SV2C: variants seen among roughly 807,000 people sequenced by gnomAD.
SV2C encodes the protein synaptic vesicle glycoprotein 2C, also known as solute carrier family 22 member B3.
In SV2C, 49 loss-of-function variants were observed where a neutral mutation model predicts 79.7. The ratio of observed to expected loss-of-function variants is 0.61; its 90% CI spans 0.49 to 0.78. The LOEUF is 0.78. Ranked by LOEUF, SV2C falls within the 30% of genes least tolerant of loss-of-function variation. SV2C has a pLI of 0.00. For missense variants in SV2C, 833 were observed against 912.9 expected (o/e 0.91, Z 1.13); for synonymous variants, 334 against 333.2 (o/e 1.00, Z -0.03).
chr5:75,896,340 T>C, the SV2C span, among the ~76,000 whole-genome samples: 1 of 151,990 alleles, frequency 6.6e-6, no homozygotes, highest in Non-Finnish European at 1.5e-5. Flanking sequence ...TGCGATAGTT[T>C]ACTGAGAATG....
the SV2C span, among the ~76,000 whole-genome samples, chr5:75,904,108 T>G: frequency 6.6e-6 from 1 of 152,232 alleles, no homozygotes; most frequent in East Asian, 1.9e-4. Context: ...ATATGTGCTC[T>G]TCACAGCTCA....
the SV2C span, among the ~76,000 whole-genome samples, chr5:75,858,079 C>T: frequency 6.6e-6 from 1 of 152,116 alleles, no homozygotes; most frequent in East Asian, 1.9e-4. Flanking sequence ...TCCTTTTTAA[C>T]GTGGATACCC....
At chr5:75,995,654 T>C in the SV2C span, among the ~76,000 whole-genome samples, 2 of 152,098 alleles carry the variant, frequency 1.3e-5, no homozygotes, top group African/African-American at 4.8e-5. Context: ...TCATCTCAGA[T>C]GTAGGTTAAA....
At chr5:76,269,597 C>T (rs1049565613) in intron 4 of SV2C, among the ~76,000 whole-genome samples, 2 of 152,124 alleles carry the variant, frequency 1.3e-5, no homozygotes, top group Non-Finnish European at 2.9e-5. Context: ...AATTGGTACT[C>T]GAGCCTGCCT....
chr5:75,849,486 C>A, the SV2C span, among the ~76,000 whole-genome samples: 12 of 152,258 alleles, frequency 7.9e-5, no homozygotes, highest in South Asian at 2.5e-3. Flanking sequence ...TGTTTTCCAA[C>A]AGTGTGGTAT....
At chr5:76,231,378 G>A (rs982702943) in intron 4 of SV2C, among the ~76,000 whole-genome samples, 2 of 152,122 alleles carry the variant, frequency 1.3e-5, no homozygotes, top group African/African-American at 4.8e-5. Context: ...GTCAATTTAT[G>A]AAAAGATCCA....
chr5:76,192,232 T>C (rs1744127367), intron 2 of SV2C, among the ~76,000 whole-genome samples: 1 of 152,176 alleles, frequency 6.6e-6, no homozygotes, highest in Non-Finnish European at 1.5e-5. Context: ...ATGCAGACTT[T>C]GAGTCAGTGG....
chr5:76,247,870 T>C (rs1745990656), intron 4 of SV2C, among the ~76,000 whole-genome samples: 1 of 152,212 alleles, frequency 6.6e-6, no homozygotes, highest in Admixed American at 6.5e-5. Context: ...TGCTAATATT[T>C]CATAAATAAA....
chr5:75,860,691 A>C, the SV2C span, among the ~76,000 whole-genome samples: 1 of 152,236 alleles, frequency 6.6e-6, no homozygotes, highest in East Asian at 1.9e-4. Flanking sequence ...TTCAAACTAT[A>C]TTATAAGGCT....
intron 4 of SV2C, among the ~76,000 whole-genome samples, chr5:76,248,426 A>G (rs1746011971): frequency 6.6e-6 from 1 of 152,118 alleles, no homozygotes; most frequent in Non-Finnish European, 1.5e-5. Context: ...TTATAAGGAC[A>G]CCAGTCGTAT....
chr5:75,912,432 G>A, the SV2C span, among the ~76,000 whole-genome samples: 1 of 152,290 alleles, frequency 6.6e-6, no homozygotes, highest in East Asian at 1.9e-4. Context: ...GGTCAAGGCT[G>A]CAGTGGGGTG....
At chr5:76,184,052 G>T (rs188330491) in intron 2 of SV2C, among the ~76,000 whole-genome samples, 16 of 152,292 alleles carry the variant, frequency 1.1e-4, no homozygotes, top group African/African-American at 3.6e-4. Flanking sequence ...AGAATTTCTT[G>T]GAAAGCTTTT....
intron 1 of SV2C, among the ~76,000 whole-genome samples, chr5:76,128,514 G>A (rs1034304401): frequency 1.3e-5 from 2 of 152,188 alleles, no homozygotes; most frequent in Non-Finnish European, 1.5e-5. Flanking sequence ...AAGGGGTAAG[G>A]CTTTGGGGTC....
At chr5:76,253,258 C>T (rs1237923206) in intron 4 of SV2C, among the ~76,000 whole-genome samples, 1 of 152,060 alleles carries the variant, frequency 6.6e-6, no homozygotes, top group African/African-American at 2.4e-5. Flanking sequence ...ATAAAATCTC[C>T]TTTTGTGGGT....
chr5:76,039,844 TAGA>T, the SV2C span, among the ~76,000 whole-genome samples: 12 of 152,176 alleles, frequency 7.9e-5, no homozygotes, highest in South Asian at 2.1e-4. Context: ...CATCAGTGAT[TAGA>T]AGAACAGTCA....
intron 2 of SV2C, among the ~76,000 whole-genome samples, chr5:76,174,878 T>G (rs1432192330): frequency 6.6e-6 from 1 of 152,254 alleles, no homozygotes; most frequent in Non-Finnish European, 1.5e-5. Context: ...TCCTGCTTCA[T>G]GCCCTCTTGG....
At chr5:75,899,913 T>G in the SV2C span, among the ~76,000 whole-genome samples, 8 of 152,288 alleles carry the variant, frequency 5.3e-5, no homozygotes, top group East Asian at 7.7e-4. Flanking sequence ...GTTTTCCATT[T>G]GCTTGGTAGA....
At chr5:76,223,310 C>T (rs980204318) in intron 4 of SV2C, among the ~76,000 whole-genome samples, 1 of 150,930 alleles carries the variant, frequency 6.6e-6, no homozygotes, top group Non-Finnish European at 1.5e-5. Context: ...CACCTGTGCT[C>T]CTAGCTATTT....
chr5:76,222,298 T>C (rs773201721), intron 4 of SV2C, among the ~76,000 whole-genome samples: 1 of 152,110 alleles, frequency 6.6e-6, no homozygotes, highest in African/African-American at 2.4e-5. Context: ...TACTCAGCAA[T>C]AGGAAAGAAG....
Sources: gnomAD v4.1 joint callset for allele counts (sites outside exome capture counted in the v4.1 genomes callset) on GRCh38, gnomAD v4.1.1 for gene constraint, MANE v1.5 for transcripts, NCBI Gene and HGNC (gene_info 2026-07-23, HGNC 2026-07-21) for gene names.